Variants in NLGN1 observed in about 807,000 individuals in gnomAD.
The protein encoded by NLGN1 is neuroligin 1.
NLGN1 carries 12 observed loss-of-function variants against 65.5 expected under a neutral mutation model. That is an observed-to-expected ratio of 0.18 (90% CI 0.12 to 0.30). The LOEUF (loss-of-function observed/expected upper bound fraction) is 0.30. Ranked by LOEUF, NLGN1 falls within the 10% of genes least tolerant of loss-of-function variation. NLGN1 has a pLI of 1.00. For synonymous variants in NLGN1, 350 were observed against 359.5 expected, an observed-to-expected ratio of 0.97 and a Z score of 0.30; for missense variants, 750 against 1,007.1, an observed-to-expected ratio of 0.74 and a Z score of 3.46.
intron 4 of NLGN1, among the ~76,000 whole-genome samples, chr3:174,250,942 A>G (rs1274672539): frequency 6.6e-6 from 1 of 152,128 alleles, no homozygotes; most frequent in African/African-American, 2.4e-5. Context: ...CAATATGACT[A>G]CACCAGCTTA....
intron 4 of NLGN1, among the ~76,000 whole-genome samples, chr3:174,067,502 G>A (rs576148834): frequency 8.5e-5 from 13 of 152,202 alleles, no homozygotes; most frequent in African/African-American, 2.4e-4. Context: ...TTCCAAAGTC[G>A]GTGTTTTCTT....
intron 2 of NLGN1, among the ~76,000 whole-genome samples, chr3:173,500,248 G>A (rs1477333764): frequency 6.6e-6 from 1 of 152,174 alleles, no homozygotes; most frequent in Non-Finnish European, 1.5e-5. Context: ...TTTATTGAGA[G>A]TTTGTAGCAT....
At chr3:173,719,146 A>G (rs1377142341) in intron 3 of NLGN1, among the ~76,000 whole-genome samples, 2 of 152,162 alleles carry the variant, frequency 1.3e-5, no homozygotes, top group African/African-American at 4.8e-5. Flanking sequence ...TAGATATGTT[A>G]TTGATTCTAT....
intron 4 of NLGN1, among the ~76,000 whole-genome samples, chr3:173,924,242 AT>A (rs1162034364): frequency 6.6e-6 from 1 of 152,088 alleles, no homozygotes; most frequent in Non-Finnish European, 1.5e-5. Context: ...CATCACAGGA[AT>A]TTTTTTAAAT....
chr3:173,882,407 ATCT>A (rs961803116), intron 4 of NLGN1, among the ~76,000 whole-genome samples: 2 of 152,204 alleles, frequency 1.3e-5, no homozygotes, highest in Non-Finnish European at 2.9e-5. Context: ...CCTAGATGGC[ATCT>A]TCTTCTAATA....
chr3:173,920,430 A>G (rs1016274616), intron 4 of NLGN1: 4 of 152,224 alleles, frequency 2.6e-5, no homozygotes, highest in African/African-American at 9.6e-5. Flanking sequence ...ATATAAGAAA[A>G]ATAGAAGACA....
At chr3:173,727,071 G>A (rs3843978) in intron 3 of NLGN1, among the ~76,000 whole-genome samples, 118,259 of 152,062 alleles carry the variant, frequency 0.78, 46,485 homozygotes, top group East Asian at 0.87. Flanking sequence ...ATAAGGCAGC[G>A]TCTATCAATT....
intron 4 of NLGN1, among the ~76,000 whole-genome samples, chr3:174,137,968 T>C (rs762182376): frequency 6.6e-6 from 1 of 152,188 alleles, no homozygotes; most frequent in African/African-American, 2.4e-5. Context: ...ATCATTAGCA[T>C]AGAAGAAATT....
chr3:173,824,279 A>G (rs971324726), intron 4 of NLGN1, among the ~76,000 whole-genome samples: 1 of 152,120 alleles, frequency 6.6e-6, no homozygotes, highest in Non-Finnish European at 1.5e-5. Context: ...AAAAAATGTC[A>G]GCTTTGCCAT....
chr3:173,808,268 C>A (rs1717103292), intron 4 of NLGN1, among the ~76,000 whole-genome samples: 1 of 151,858 alleles, frequency 6.6e-6, no homozygotes, highest in African/African-American at 2.4e-5. Flanking sequence ...ATGGAGGTTT[C>A]TTTGGTTTGT....
chr3:173,673,331 G>A (rs1320454865), intron 3 of NLGN1, among the ~76,000 whole-genome samples: 1 of 151,890 alleles, frequency 6.6e-6, no homozygotes, highest in Non-Finnish European at 1.5e-5. Flanking sequence ...ATATGGTTAT[G>A]TCATTCACAA....
chr3:173,458,731 T>C, intron 2 of NLGN1, among the ~76,000 whole-genome samples: 1 of 152,104 alleles, frequency 6.6e-6, no homozygotes, highest in East Asian at 1.9e-4. Context: ...GAAATGAGGA[T>C]TTATTTTTCT....
chr3:173,753,974 T>TATAATATAATATAA (rs1560301629), intron 3 of NLGN1, among the ~76,000 whole-genome samples: 1 of 146,844 alleles, frequency 6.8e-6, no homozygotes, highest in African/African-American at 2.5e-5. Flanking sequence ...TATAATATAA[T>TATAATATAATATAA]ATCTACTCAG....
chr3:174,202,436 C>T (rs150179619), intron 4 of NLGN1, among the ~76,000 whole-genome samples: 4 of 151,012 alleles, frequency 2.6e-5, no homozygotes, highest in East Asian at 1.9e-4. Context: ...TATTCCTGAG[C>T]GTCAGGGTGT....
intron 3 of NLGN1, among the ~76,000 whole-genome samples, chr3:173,778,849 GTAAT>G (rs1317193739): frequency 6.6e-6 from 1 of 151,412 alleles, no homozygotes; most frequent in Non-Finnish European, 1.5e-5. Flanking sequence ...AATAATATGA[GTAAT>G]TAATTGATAT....
At chr3:173,772,733 G>A (rs10513717) in intron 3 of NLGN1, among the ~76,000 whole-genome samples, 5,864 of 152,232 alleles carry the variant, frequency 0.039, 125 homozygotes, top group South Asian at 0.056. Flanking sequence ...AGCCTGGACC[G>A]GAGAATGGGA....
chr3:174,223,341 A>G (rs961631215), intron 4 of NLGN1, among the ~76,000 whole-genome samples: 54 of 152,180 alleles, frequency 3.5e-4, no homozygotes, highest in Non-Finnish European at 1.5e-5. Flanking sequence ...GAAAGCTCAA[A>G]TCTTTGTAAT....
chr3:173,442,521 C>T (rs1719394242), intron 2 of NLGN1, among the ~76,000 whole-genome samples: 2 of 152,088 alleles, frequency 1.3e-5, no homozygotes, highest in Admixed American at 1.3e-4. Context: ...ATTTTTGTAA[C>T]TTCACTTTGT....
intron 4 of NLGN1, among the ~76,000 whole-genome samples, chr3:174,226,020 T>A (rs1739610718): frequency 6.6e-6 from 1 of 152,114 alleles, no homozygotes; most frequent in Non-Finnish European, 1.5e-5. Flanking sequence ...CATAGTTTTC[T>A]CTTTTGTACT....
Sources: allele counts gnomAD v4.1 joint callset (sites outside exome capture counted in the v4.1 genomes callset), GRCh38; gene constraint gnomAD v4.1.1; transcripts MANE v1.5; gene names NCBI Gene and HGNC (gene_info 2026-07-23, HGNC 2026-07-21).